Variants in MYO9A observed in about 807,000 individuals in gnomAD.
MYO9A encodes the protein unconventional myosin-IXa.
In MYO9A, 103 loss-of-function variants were observed where a neutral mutation model predicts 293.3. The observed-to-expected ratio is 0.35, with a 90% CI of 0.30 to 0.41. The LOEUF (loss-of-function observed/expected upper bound fraction) is 0.41, where lower values mean the gene tolerates loss of function less well. MYO9A is among the 10% of genes least tolerant of loss of function. The probability of loss-of-function intolerance (pLI) is 1.00; values close to 1 mark genes in which losing one functional copy is unlikely to be tolerated. For synonymous variants in MYO9A, 1,001 were observed against 1,035.7 expected, an observed-to-expected ratio of 0.97 and a Z score of 0.64; for missense variants, 2,685 against 3,033.0, an observed-to-expected ratio of 0.89 and a Z score of 2.69.
chr15:72,027,089 T>C (rs1030906675), intron 4 of MYO9A, among the ~76,000 whole-genome samples: 1 of 152,192 alleles, frequency 6.6e-6, no homozygotes, highest in Non-Finnish European at 1.5e-5. Flanking sequence ...CTCTCATTCA[T>C]TCTCCAAAAC....
At chr15:71,879,949 A>G in intron 29 of MYO9A, 112 bp from the exon 30 acceptor site, 1 of 735,668 alleles carries the variant, frequency 1.4e-6, no homozygotes, top group Non-Finnish European at 2.3e-6. Flanking sequence ...AGTGCAAGCC[A>G]CAGGCTATTA....
At position 71,897,611 on chromosome 15, in the gene MYO9A, T is replaced by C; in HGVS notation, c.4892A>G (p.Asn1631Ser). ...ATTATTTGAGAGTTTACAGGCTACA[T>C]TCAGCTGGGTGCCCATTCTGTCTGT... The part of the protein sequence containing the change: ...SKTDRMGTQL[N>S]VACKLSNNRI... Residue 1631 changes from asparagine (N) to serine (S), a missense_variant, in exon 25 of 42, where the codon AAT becomes AGT. By Grantham distance (46) the Asn-to-Ser change is conservative. Transcript: ENST00000356056. The C allele has an allele frequency of 1.2e-6, 2 of 1,614,164 alleles. No individual in the cohort carries two copies. The highest frequency in any genetic ancestry group is 1.6e-4 in the Middle Eastern group (1 of 6,062).
intron 40 of MYO9A, among the ~76,000 whole-genome samples, chr15:71,829,414 T>C (rs1464660353): frequency 6.6e-6 from 1 of 152,094 alleles, no homozygotes; most frequent in African/African-American, 2.4e-5. Flanking sequence ...CCAGAACTAT[T>C]ACACAGCACC....
chr15:71,826,610 T>G lies in MYO9A; in HGVS notation c.7617A>C (p.Ala2539=), dbSNP rs1437193042. Residue 2539 remains alanine (A), a synonymous_variant, in exon 42 of 42, where the codon GCA becomes GCC. Transcript: ENST00000356056. The stretch of plus-strand genomic sequence containing the variant: ...CCATAAATTCATTATTTCCAAAGAG[T>G]GCTAGCTGTTGGTTGGAGGTGCAGT... ...DPDCTSNQQL[A]LFGNNEFMV 2.5e-6 allele frequency: 4 copies of G among 1,606,812 alleles called. No individual in the cohort carries two copies. The highest frequency in any genetic ancestry group is 3.4e-6 in the Non-Finnish European group (4 of 1,177,952).
Position 71,885,563 on chromosome 15 carries a change from C to A in MYO9A, c.5256-1827G>T, listed in dbSNP as rs190444532. Among the ~76,000 whole-genome samples, 5 of 152,094 alleles carry A rather than the reference C, an allele frequency of 3.3e-5. No individual in the cohort carries two copies. In the East Asian group the frequency reaches 7.7e-4, roughly 23 times the overall value. ...ACTTGCTCCAATTTGGAGTGGTTTC[C>A]CTCATTGCCTGCTGTGCAGTTGTCA... On this transcript the variant is annotated intron_variant, in intron 27 of 41. Transcript: ENST00000356056.
chr15:71,927,801 G>C (rs1393633187), intron 18 of MYO9A, among the ~76,000 whole-genome samples: 1 of 151,004 alleles, frequency 6.6e-6, no homozygotes, highest in Non-Finnish European at 1.5e-5. Flanking sequence ...TTTATGTGGG[G>C]TGAGATATGG....
intron 23 of MYO9A, 64 bp downstream of exon 23, chr15:71,901,127 C>G: frequency 3.3e-6 from 5 of 1,513,444 alleles, no homozygotes; most frequent in Non-Finnish European, 4.4e-6. Context: ...TAAAAAGGTT[C>G]TGGTTACTAA....
In MYO9A at chr15:71,938,928, C is replaced by T. The variant is rs2058702459; in HGVS notation, c.2303-1G>A. ...GTTCTGGGATTTTTCCGGGTTATACCTAGCAAAATTTAAAAAACAGAAAAT... is the reference window on the plus strand; with the variant it reads ...GTTCTGGGATTTTTCCGGGTTATACTTAGCAAAATTTAAAAAACAGAAAAT... On this transcript the variant is annotated splice_acceptor_variant, in intron 15 of 41. Transcript: ENST00000356056. LOFTEE classifies it high-confidence loss of function. 1 of 1,602,764 alleles carries T rather than the reference C, an allele frequency of 6.2e-7. No individual in the cohort carries two copies. The highest frequency in any genetic ancestry group is 1.3e-5 in the African/African-American group (1 of 74,124).
chr15:72,102,836 G>A (rs1305009248), intron 1 of MYO9A, among the ~76,000 whole-genome samples: 3 of 151,866 alleles, frequency 2.0e-5, no homozygotes, highest in Non-Finnish European at 4.4e-5. Flanking sequence ...ATCTCAGGCA[G>A]CAAAGGAAAG....
In MYO9A at chr15:71,878,109, G is replaced by A. The variant is rs767777218; in HGVS notation, c.5862C>T (p.Val1954=). The change falls in exon 31 of 42, where the codon GTC becomes GTT. Residue 1954 remains valine (V), a synonymous_variant. Coordinates refer to ENST00000356056, the MANE Select transcript of MYO9A (RefSeq NM_006901.4). ...SLGESPVRVW[V]NTFKVFLDEY... is the part of the protein sequence containing the mutation. ...CATCTAAAAACACTTTAAAAGTGTT[G>A]ACCCAAACTCTCACTGGAGATTCAC... is the stretch of plus-strand genomic sequence containing the variant. The A allele has an allele frequency of 1.9e-6, 3 of 1,611,358 alleles. No individual in the cohort carries two copies. Among genetic ancestry groups the A allele is most frequent in the Admixed American group, 1.7e-5 (1 of 59,066 alleles).
At chr15:71,910,655 C>T (rs1252804517) in intron 19 of MYO9A, among the ~76,000 whole-genome samples, 1 of 152,138 alleles carries the variant, frequency 6.6e-6, no homozygotes, top group Non-Finnish European at 1.5e-5. Flanking sequence ...TTATTTCAGC[C>T]ATGTTGGCAA....
intron 9 of MYO9A, among the ~76,000 whole-genome samples, chr15:71,996,563 A>C (rs1391756285): frequency 1.3e-5 from 2 of 152,202 alleles, no homozygotes; most frequent in Non-Finnish European, 2.9e-5. Flanking sequence ...TTCCTATGTC[A>C]TTGAAGGGTA....
intron 1 of MYO9A, among the ~76,000 whole-genome samples, chr15:72,064,835 G>A (rs1566999888): frequency 6.6e-6 from 1 of 152,110 alleles, no homozygotes; most frequent in Non-Finnish European, 1.5e-5. Context: ...AATACTAGTA[G>A]GTTCTGAACA....
intron 11 of MYO9A, among the ~76,000 whole-genome samples, chr15:71,982,059 G>A (rs768892120): frequency 2.5e-4 from 27 of 106,840 alleles, no homozygotes; most frequent in Non-Finnish European, 4.4e-4. Flanking sequence ...TCACTCTGTC[G>A]CCCAGGCTGG....
intron 19 of MYO9A, among the ~76,000 whole-genome samples, chr15:71,906,564 G>C (rs530840899): frequency 6.6e-6 from 1 of 151,800 alleles, no homozygotes; most frequent in Admixed American, 6.6e-5. Flanking sequence ...CTTTATCCTT[G>C]GTAATTTTCT....
At chr15:71,869,804 A>G (rs35877602) in intron 32 of MYO9A, among the ~76,000 whole-genome samples, 1 of 152,168 alleles carries the variant, frequency 6.6e-6, no homozygotes, top group Non-Finnish European at 1.5e-5. Context: ...TGTAGCAGGG[A>G]CCATGAAAGT....
intron 5 of MYO9A, among the ~76,000 whole-genome samples, chr15:72,020,173 A>G (rs539215515): frequency 2.6e-5 from 4 of 152,352 alleles, no homozygotes; most frequent in African/African-American, 9.6e-5. Flanking sequence ...TTATTTCCGT[A>G]GACATTACAT....
intron 28 of MYO9A, among the ~76,000 whole-genome samples, chr15:71,881,473 T>A (rs2056871245): frequency 6.6e-6 from 1 of 152,140 alleles, no homozygotes; most frequent in African/African-American, 2.4e-5. Flanking sequence ...CAATTTCAAC[T>A]ATGACACAAG....
intron 1 of MYO9A, among the ~76,000 whole-genome samples, chr15:72,083,267 A>T (rs2079609704): frequency 6.6e-6 from 1 of 152,070 alleles, no homozygotes; most frequent in South Asian, 2.1e-4. Context: ...CGTATCTAGG[A>T]ATTTATACAT....
Sources: gnomAD v4.1 joint callset for allele counts (sites outside exome capture counted in the v4.1 genomes callset) on GRCh38, gnomAD v4.1.1 for gene constraint, MANE v1.5 for transcripts, NCBI Gene and HGNC (gene_info 2026-07-23, HGNC 2026-07-21) for gene names.